Variants in SPON1 observed in about 807,000 individuals in gnomAD.
The protein encoded by SPON1 is spondin 1, also known as spondin-1.
A neutral mutation model predicts 111.7 loss-of-function variants in SPON1; 52 were observed. That is an observed-to-expected ratio of 0.47 (90% CI 0.37 to 0.59). The LOEUF is 0.59. Ranked by LOEUF, SPON1 falls within the 20% of genes least tolerant of loss-of-function variation. The probability of loss-of-function intolerance (pLI) is 0.00; values close to 1 mark genes in which losing one functional copy is unlikely to be tolerated. For synonymous variants in SPON1, 410 were observed against 395.8 expected (o/e 1.04, Z -0.43); for missense variants, 957 against 1,068.5 (o/e 0.90, Z 1.46).
At chr11:14,167,461 CTT>C (rs1554931951) in intron 6 of SPON1, among the ~76,000 whole-genome samples, 1 of 152,002 alleles carries the variant, frequency 6.6e-6, no homozygotes, top group East Asian at 1.9e-4. Flanking sequence ...GAATTTGTCT[CTT>C]CTCTCTCCTC....
intron 5 of SPON1, among the ~76,000 whole-genome samples, chr11:14,117,283 T>C (rs1849273812): frequency 6.6e-6 from 1 of 152,236 alleles, no homozygotes; most frequent in South Asian, 2.1e-4. Context: ...GGAAAGCTTT[T>C]AATATCCATC....
At chr11:14,118,103 A>T (rs1410252693) in intron 5 of SPON1, among the ~76,000 whole-genome samples, 7 of 152,310 alleles carry the variant, frequency 4.6e-5, no homozygotes, top group African/African-American at 1.7e-4. Context: ...GGGGTGGGAG[A>T]TGTCCATTCT....
At chr11:13,979,480 A>G (rs1848128005) in intron 1 of SPON1, among the ~76,000 whole-genome samples, 1 of 152,200 alleles carries the variant, frequency 6.6e-6, no homozygotes, top group African/African-American at 2.4e-5. Context: ...CTTTTAAGGA[A>G]ATGCTCCCAG....
At position 14,013,232 on chromosome 11, in the gene SPON1, G is replaced by A. The variant is rs111734501; in HGVS notation, c.346-28289G>A. 4.9e-3 allele frequency among the ~76,000 whole-genome samples: 749 copies of A among 152,224 alleles called. 8 individuals carry two copies. Among genetic ancestry groups the A allele is most frequent in the African/African-American group, 0.017 (686 of 41,532 alleles). ...GATTATGTGGATTATTGAATAGATC[G>A]TCTTTCTGCTTTTTATCCTTTAAAC... On this transcript the variant is annotated intron_variant, in intron 2 of 15. Coordinates refer to ENST00000576479, the MANE Select transcript of SPON1 (RefSeq NM_006108.4).
At chr11:14,032,304 G>C (rs1283251911) in intron 2 of SPON1, among the ~76,000 whole-genome samples, 4 of 141,662 alleles carry the variant, frequency 2.8e-5, no homozygotes, top group African/African-American at 9.8e-5. Context: ...AGGAACGTTT[G>C]TTTCATATTT....
At chr11:14,254,777 T>C (rs782807540) in intron 8 of SPON1, 48 bp downstream of exon 8, 2 of 1,563,738 alleles carry the variant, frequency 1.3e-6, no homozygotes, top group Admixed American at 1.7e-5. Flanking sequence ...CCTACCCGCT[T>C]CCTGAGTGTC....
At chr11:14,110,584 A>C (rs930789418) in intron 5 of SPON1, among the ~76,000 whole-genome samples, 2 of 152,182 alleles carry the variant, frequency 1.3e-5, no homozygotes, top group Non-Finnish European at 2.9e-5. Flanking sequence ...TCAAGTCTAA[A>C]AGCCTCAAAA....
intron 2 of SPON1, among the ~76,000 whole-genome samples, chr11:14,030,406 C>T (rs1430423747): frequency 1.3e-5 from 2 of 151,526 alleles, no homozygotes; most frequent in Non-Finnish European, 2.9e-5. Flanking sequence ...CAGGACTAAA[C>T]TTCTGTGGAT....
intron 3 of SPON1, among the ~76,000 whole-genome samples, chr11:14,043,514 C>T (rs965788214): frequency 8.5e-5 from 13 of 152,188 alleles, no homozygotes; most frequent in African/African-American, 3.1e-4. Flanking sequence ...AATAACCTTG[C>T]TATTGTCTGT....
rs148864904 is a variant in SPON1 at position 14,036,853 on chromosome 11, G to A, written c.346-4668G>A. 5.3e-5 allele frequency among the ~76,000 whole-genome samples: 8 copies of A among 152,252 alleles called. 1 individual carries two copies. In the South Asian group the frequency reaches 6.2e-4, roughly 12 times the overall value. ...ACCAAGAAGGAGCTATGGCACAGAAGGCAAGGGAGGAGAGTCAGTTGAGAA... is the reference window on the plus strand; with the variant it reads ...ACCAAGAAGGAGCTATGGCACAGAAAGCAAGGGAGGAGAGTCAGTTGAGAA... On this transcript the variant is annotated intron_variant, in intron 2 of 15. Coordinates refer to ENST00000576479, the MANE Select transcript of SPON1 (RefSeq NM_006108.4).
intron 5 of SPON1, among the ~76,000 whole-genome samples, chr11:14,107,189 TG>T (rs1462931636): frequency 2.6e-5 from 4 of 152,294 alleles, no homozygotes; most frequent in African/African-American, 9.6e-5. Context: ...AGGGTTTTGC[TG>T]GCTGGGACAG....
chr11:14,057,204 C>T (rs1018496828), intron 3 of SPON1, among the ~76,000 whole-genome samples: 5 of 152,114 alleles, frequency 3.3e-5, no homozygotes, highest in Admixed American at 3.3e-4. Flanking sequence ...AATCTGGCAG[C>T]CACCTGTAAT....
At chr11:13,963,189 C>CGGAGGGCGCCGACCTCGCGGTGCCGGA (rs1482351311) in intron 1 of SPON1, 47 bp downstream of exon 1, 69 of 1,381,486 alleles carry the variant, frequency 5.0e-5, no homozygotes, top group Non-Finnish European at 6.1e-5. Flanking sequence ...ACCCGGTCCC[C>CGGAGGGCGCCGACCTCGCGGTGCCGGA]GGAGGGCGCC....
intron 3 of SPON1, among the ~76,000 whole-genome samples, chr11:14,055,502 C>G (rs1591363075): frequency 6.6e-6 from 1 of 152,192 alleles, no homozygotes; most frequent in Non-Finnish European, 1.5e-5. Context: ...GAGATCAGAA[C>G]TAATTCTTCC....
intron 6 of SPON1, among the ~76,000 whole-genome samples, chr11:14,183,336 C>G (rs1554933839): frequency 6.6e-6 from 1 of 152,150 alleles, no homozygotes; most frequent in Non-Finnish European, 1.5e-5. Context: ...CTATTTTTCT[C>G]CCTCTTCTGC....
At chr11:14,128,722 A>G (rs545014577) in intron 5 of SPON1, among the ~76,000 whole-genome samples, 120 of 152,274 alleles carry the variant, frequency 7.9e-4, no homozygotes, top group African/African-American at 2.7e-3. Context: ...GCCCTACTAG[A>G]GGTTCTCCAT....
intron 6 of SPON1, among the ~76,000 whole-genome samples, chr11:14,236,168 A>G (rs1848864803): frequency 6.6e-6 from 1 of 152,150 alleles, no homozygotes; most frequent in African/African-American, 2.4e-5. Context: ...GGGGAGGTAG[A>G]GAGACCTGCT....
intron 15 of SPON1, among the ~76,000 whole-genome samples, chr11:14,264,647 G>A (rs1469846061): frequency 6.6e-6 from 1 of 152,162 alleles, no homozygotes; most frequent in Non-Finnish European, 1.5e-5. Context: ...AGCCTACTAT[G>A]TGGCAGGTAC....
chr11:14,262,622 C>G, intron 14 of SPON1, 90 bp from the exon 15 acceptor site: 1 of 1,530,890 alleles, frequency 6.5e-7, no homozygotes, highest in Non-Finnish European at 8.9e-7. Flanking sequence ...CTTTGCATCC[C>G]TCATAGGCTT....
Sources: gnomAD v4.1 joint callset for allele counts (sites outside exome capture counted in the v4.1 genomes callset) on GRCh38, gnomAD v4.1.1 for gene constraint, MANE v1.5 for transcripts, NCBI Gene and HGNC (gene_info 2026-07-23, HGNC 2026-07-21) for gene names.